VMP1: variants seen among roughly 807,000 people sequenced by gnomAD.
VMP1 encodes the protein vacuole membrane protein 1, also known as ectopic P-granules autophagy protein 3 homolog.
Under a neutral mutation model 56.0 loss-of-function variants are expected in VMP1, and 11 were observed. That is an observed-to-expected ratio of 0.20 (90% CI 0.12 to 0.32). The LOEUF (loss-of-function observed/expected upper bound fraction) is 0.32, where lower values mean the gene tolerates loss of function less well. Among genes scored for constraint, VMP1 ranks in the 10% least tolerant of loss-of-function variants. The pLI, the probability that VMP1 is intolerant of heterozygous loss-of-function variation, is 1.00. For missense variants in VMP1, 296 were observed against 490.3 expected (o/e 0.60, Z 3.74); for synonymous variants, 149 against 165.0 (o/e 0.90, Z 0.74).
At chr17:59,813,513 G>A (rs2038124358) in intron 9 of VMP1, among the ~76,000 whole-genome samples, 1 of 151,152 alleles carries the variant, frequency 6.6e-6, no homozygotes, top group African/African-American at 2.4e-5. Context: ...AGAGGTGGAG[G>A]TTGCGGTGAG....
chr17:59,737,308 A>T, intron 3 of VMP1, 145 bp from the exon 4 acceptor site: 1 of 639,032 alleles, frequency 1.6e-6, no homozygotes, highest in Non-Finnish European at 2.5e-6. Context: ...CCCTTCTGTT[A>T]CTCCAAGAGG....
At chr17:59,829,955 G>A (rs2038759080) in intron 10 of VMP1, among the ~76,000 whole-genome samples, 2 of 152,306 alleles carry the variant, frequency 1.3e-5, no homozygotes, top group Admixed American at 1.3e-4. Context: ...TCAATTGATA[G>A]AACTCTCTGG....
intron 7 of VMP1, among the ~76,000 whole-genome samples, chr17:59,803,275 A>G (rs2037737848): frequency 6.6e-6 from 1 of 152,232 alleles, no homozygotes; most frequent in Non-Finnish European, 1.5e-5. Flanking sequence ...TGGTACAGGC[A>G]TATTCATAGT....
intron 6 of VMP1, among the ~76,000 whole-genome samples, chr17:59,768,907 G>A (rs1249238732): frequency 6.6e-6 from 1 of 151,946 alleles, no homozygotes; most frequent in Non-Finnish European, 1.5e-5. Flanking sequence ...GCTCACTTGA[G>A]GTCAGGTGTT....
intron 5 of VMP1, among the ~76,000 whole-genome samples, chr17:59,742,740 G>A (rs929351063): frequency 6.6e-6 from 1 of 152,040 alleles, no homozygotes; most frequent in Non-Finnish European, 1.5e-5. Flanking sequence ...AGCTTCATCT[G>A]TATTTGCAGC....
intron 6 of VMP1, among the ~76,000 whole-genome samples, chr17:59,772,385 A>G (rs969625936): frequency 6.6e-6 from 1 of 152,146 alleles, no homozygotes; most frequent in Non-Finnish European, 1.5e-5. Flanking sequence ...TTTGAATTTG[A>G]TTTGGTCCCT....
intron 7 of VMP1, among the ~76,000 whole-genome samples, chr17:59,801,939 G>A (rs542145891): frequency 4.6e-5 from 7 of 152,158 alleles, no homozygotes; most frequent in South Asian, 2.1e-4. Flanking sequence ...AGTGACTCAC[G>A]CCTGTAATCC....
At chr17:59,766,965 A>G (rs2036255030) in intron 6 of VMP1, among the ~76,000 whole-genome samples, 1 of 152,038 alleles carries the variant, frequency 6.6e-6, no homozygotes, top group Admixed American at 6.6e-5. Context: ...TATTTTTAGT[A>G]GAGACGGGAT....
intron 2 of VMP1, 24 bp downstream of exon 2, chr17:59,731,546 A>G: frequency 1.3e-6 from 2 of 1,550,050 alleles, no homozygotes; most frequent in Non-Finnish European, 1.7e-6. Flanking sequence ...GTTTGCAGGG[A>G]GGAGTGCTAT....
Position 59,839,505 on chromosome 17 carries a change from T to C in VMP1, c.1078-263T>C. On this transcript the variant is annotated intron_variant, in intron 11 of 11. Transcript: ENST00000262291. Reference sequence around the variant, plus strand: ...AATCAAAGAGTTTATTCTTAGGTCCTAGTAGAAGAGCTAACCTCACACTCA... The same window carrying C: ...AATCAAAGAGTTTATTCTTAGGTCCCAGTAGAAGAGCTAACCTCACACTCA... 1.5e-5 allele frequency: 6 copies of C among 404,068 alleles called. No individual in the cohort carries two copies. The South Asian group carries it at 2.2e-4, about 15-fold the overall frequency. 25.0% of individuals were successfully genotyped at this position (404,068 alleles called of 1,614,324 possible).
At chr17:59,735,898 T>C (rs1317705924) in intron 3 of VMP1, among the ~76,000 whole-genome samples, 1 of 152,256 alleles carries the variant, frequency 6.6e-6, no homozygotes. Context: ...GGAAATGTGT[T>C]GTCTTTAAAT....
At chr17:59,755,920 A>G (rs2035825056) in intron 5 of VMP1, among the ~76,000 whole-genome samples, 1 of 151,800 alleles carries the variant, frequency 6.6e-6, no homozygotes, top group South Asian at 2.1e-4. Flanking sequence ...TTTTCTTAGT[A>G]GAGACGGAAT....
intron 5 of VMP1, among the ~76,000 whole-genome samples, chr17:59,756,692 A>G (rs1473424464): frequency 1.3e-5 from 2 of 152,112 alleles, no homozygotes; most frequent in African/African-American, 2.4e-5. Context: ...ATACACACAC[A>G]ACACACATTC....
chr17:59,805,644 C>T (rs1555624656), intron 7 of VMP1, among the ~76,000 whole-genome samples: 1 of 136,904 alleles, frequency 7.3e-6, no homozygotes, highest in South Asian at 2.3e-4. Context: ...TGCTCTTTGG[C>T]AAACTCAAAA....
intron 7 of VMP1, among the ~76,000 whole-genome samples, chr17:59,801,108 A>ATGTGTG (rs2037636802): frequency 2.4e-5 from 3 of 127,066 alleles, no homozygotes; most frequent in African/African-American, 7.9e-5. Flanking sequence ...ATATATATAT[A>ATGTGTG]TATATGTGTG....
intron 2 of VMP1, among the ~76,000 whole-genome samples, chr17:59,731,974 T>G (rs1452002408): frequency 6.6e-6 from 1 of 152,236 alleles, no homozygotes; most frequent in Admixed American, 6.5e-5. Flanking sequence ...GTGGTAAATT[T>G]CAGTGTATTT....
At chr17:59,739,989 G>A (rs970381837) in intron 5 of VMP1, among the ~76,000 whole-genome samples, 4 of 148,814 alleles carry the variant, frequency 2.7e-5, no homozygotes, top group Non-Finnish European at 4.5e-5. Flanking sequence ...AGGCAGGAGA[G>A]TGATGTGAAC....
intron 7 of VMP1, among the ~76,000 whole-genome samples, chr17:59,783,199 A>G (rs767008076): frequency 5.3e-5 from 8 of 152,218 alleles, no homozygotes; most frequent in Non-Finnish European, 1.0e-4. Context: ...CTGTCTCAAA[A>G]AAACAAAAAG....
At chr17:59,760,771 C>G (rs907468385) in intron 5 of VMP1, among the ~76,000 whole-genome samples, 1 of 152,146 alleles carries the variant, frequency 6.6e-6, no homozygotes, top group Non-Finnish European at 1.5e-5. Context: ...CAGGTGCGCA[C>G]CACCATACCC....
Sources: allele counts gnomAD v4.1 joint callset (sites outside exome capture counted in the v4.1 genomes callset), GRCh38; gene constraint gnomAD v4.1.1; transcripts MANE v1.5; gene names NCBI Gene and HGNC (gene_info 2026-07-23, HGNC 2026-07-21).